LRRC7: variants seen among roughly 807,000 people sequenced by gnomAD.
LRRC7 encodes leucine-rich repeat-containing protein 7.
A neutral mutation model predicts 175.7 loss-of-function variants in LRRC7; 23 were observed. The observed-to-expected ratio is 0.13, with a 90% confidence interval of 0.09 to 0.19. LRRC7 has a LOEUF of 0.19. Ranked by LOEUF, LRRC7 falls within the 10% of genes least tolerant of loss-of-function variation. The probability of loss-of-function intolerance (pLI) is 1.00; values close to 1 mark genes in which losing one functional copy is unlikely to be tolerated. For missense variants in LRRC7, 1,354 were observed against 1,904.7 expected, an observed-to-expected ratio of 0.71 and a Z score of 5.38; for synonymous variants, 685 against 680.9, an observed-to-expected ratio of 1.01 and a Z score of -0.09.
chr1:69,747,392 T>C (rs755630342), intron 2 of LRRC7, among the ~76,000 whole-genome samples: 1 of 152,174 alleles, frequency 6.6e-6, no homozygotes, highest in Non-Finnish European at 1.5e-5. Flanking sequence ...CAGAGGAGAC[T>C]GATGTCATGC....
At chr1:69,774,507 T>G (rs1221936146) in intron 3 of LRRC7, among the ~76,000 whole-genome samples, 1 of 152,180 alleles carries the variant, frequency 6.6e-6, no homozygotes, top group Non-Finnish European at 1.5e-5. Context: ...TATATGAAAT[T>G]GATGCTTAAT....
At chr1:69,979,402 A>C (rs1015819) in intron 8 of LRRC7, among the ~76,000 whole-genome samples, 9,397 of 152,270 alleles carry the variant, frequency 0.062, 283 homozygotes, top group South Asian at 0.11. Context: ...TGCTGCCCGA[A>C]GTTAGAATTT....
intron 3 of LRRC7, among the ~76,000 whole-genome samples, chr1:69,787,501 A>T (rs527510093): frequency 2.6e-5 from 4 of 152,260 alleles, no homozygotes; most frequent in African/African-American, 7.2e-5. Context: ...AGGCATTTTC[A>T]TACATCTTCT....
chr1:69,919,269 A>T lies in LRRC7; in HGVS notation c.648-12238A>T, dbSNP rs567697555. On this transcript the variant is annotated intron_variant, in intron 7 of 26. Transcript: ENST00000651989. Reference sequence around the variant, plus strand: ...CTGTGGTTGTAGTACACAAGCAGCCAAATGTATTTGCTAGATACATTAGCA... The same window carrying T: ...CTGTGGTTGTAGTACACAAGCAGCCTAATGTATTTGCTAGATACATTAGCA... 4.8e-5 allele frequency: 23 copies of T among 481,826 alleles called. No individual in the cohort carries two copies. In the South Asian group the frequency reaches 5.9e-4, roughly 12 times the overall value. 29.8% of individuals were successfully genotyped at this position (481,826 alleles called of 1,614,324 possible).
intron 7 of LRRC7, among the ~76,000 whole-genome samples, chr1:69,895,357 G>A (rs1645950752): frequency 6.6e-6 from 1 of 152,126 alleles, no homozygotes; most frequent in Admixed American, 6.6e-5. Flanking sequence ...TTTTGGAGGT[G>A]ATGTAAACCT....
rs561399911 is a variant in LRRC7, at chr1:69,647,171, C to T, written c.3-31210C>T. Among the ~76,000 whole-genome samples, 64 of 152,190 alleles carry T rather than the reference C, an allele frequency of 4.2e-4. 1 individual carries two copies. Among genetic ancestry groups the T allele is most frequent in the African/African-American group, 1.4e-3 (59 of 41,534 alleles). On this transcript the variant is annotated intron_variant, in intron 1 of 26. Coordinates refer to ENST00000651989, the MANE Select transcript of LRRC7 (RefSeq NM_001370785.2). ...GTCTTCAGTGAGAAATGAGTTTGTACTTAAATGGGCAGAAAATTAGCCAAA... is the reference window on the plus strand; with the variant it reads ...GTCTTCAGTGAGAAATGAGTTTGTATTTAAATGGGCAGAAAATTAGCCAAA...
intron 5 of LRRC7, among the ~76,000 whole-genome samples, chr1:69,832,005 G>A (rs1189659337): frequency 6.6e-6 from 1 of 152,162 alleles, no homozygotes; most frequent in Non-Finnish European, 1.5e-5. Flanking sequence ...TACTAAGAAT[G>A]TATAAAGAAT....
intron 2 of LRRC7, among the ~76,000 whole-genome samples, chr1:69,686,835 C>G (rs1271193698): frequency 6.6e-6 from 1 of 151,526 alleles, no homozygotes; most frequent in Non-Finnish European, 1.5e-5. Flanking sequence ...AAAAGAAAGA[C>G]CAACTATATG....
intron 2 of LRRC7, among the ~76,000 whole-genome samples, chr1:69,680,488 T>C (rs1489623821): frequency 1.3e-5 from 2 of 152,128 alleles, no homozygotes; most frequent in Non-Finnish European, 1.5e-5. Context: ...CAGGGAAGTC[T>C]TTGAAGTGTC....
chr1:70,021,254 T>C (rs897678874), intron 16 of LRRC7, 125 bp downstream of exon 16: 1 of 859,978 alleles, frequency 1.2e-6, no homozygotes, highest in African/African-American at 1.7e-5. Flanking sequence ...GTACCTTTCA[T>C]TACAGCATGC....
At position 69,761,138 on chromosome 1, in the gene LRRC7, T is replaced by C. The variant is rs562674787; in HGVS notation, c.303+745T>C. 2.6e-5 allele frequency among the ~76,000 whole-genome samples: 4 copies of C among 151,976 alleles called. No homozygotes were observed. In the South Asian group the frequency reaches 6.2e-4, roughly 24 times the overall value. ...CCACACAGCAGAGAAGTTCAAAATC[T>C]AAATCAAGGGATCCTAACAGTCACC... On this transcript the variant is annotated intron_variant, in intron 3 of 26. Transcript: ENST00000651989.
intron 9 of LRRC7, 122 bp from the exon 10 acceptor site, chr1:69,986,120 C>A (rs1653917113): frequency 4.6e-6 from 4 of 877,080 alleles, no homozygotes; most frequent in Admixed American, 2.8e-5. Flanking sequence ...CACATTCTTG[C>A]CAACACTTGT....
At chr1:69,684,468 G>C (rs1028010999) in intron 2 of LRRC7, among the ~76,000 whole-genome samples, 1 of 151,256 alleles carries the variant, frequency 6.6e-6, no homozygotes, top group Admixed American at 6.6e-5. Flanking sequence ...GAAGGGGAGG[G>C]AAGGCCAAGC....
chr1:69,674,014 C>T (rs929692404), intron 1 of LRRC7, among the ~76,000 whole-genome samples: 3 of 151,940 alleles, frequency 2.0e-5, no homozygotes, highest in African/African-American at 7.3e-5. Flanking sequence ...ACATCTATAA[C>T]ACATAAATAT....
chr1:69,981,501 G>T (rs935205700), intron 9 of LRRC7, among the ~76,000 whole-genome samples: 2 of 152,108 alleles, frequency 1.3e-5, no homozygotes, highest in African/African-American at 4.8e-5. Flanking sequence ...ATTGTTCACT[G>T]ATTTATTTAA....
chr1:69,893,278 G>A (rs1645888768), intron 7 of LRRC7, among the ~76,000 whole-genome samples: 1 of 152,000 alleles, frequency 6.6e-6, no homozygotes, highest in Admixed American at 6.6e-5. Flanking sequence ...GGTTTCTTTT[G>A]CATTTCCTAA....
chr1:69,613,111 T>C (rs1041045775), intron 1 of LRRC7, among the ~76,000 whole-genome samples: 1 of 152,082 alleles, frequency 6.6e-6, no homozygotes, highest in African/African-American at 2.4e-5. Flanking sequence ...ATAACAAGTA[T>C]AGCATAGACT....
At chr1:69,650,996 G>A (rs537812598) in intron 1 of LRRC7, among the ~76,000 whole-genome samples, 19 of 152,226 alleles carry the variant, frequency 1.2e-4, no homozygotes, top group African/African-American at 3.6e-4. Context: ...CAAAATTATG[G>A]ACTGAAGCAT....
chr1:69,766,890 T>G (rs1300420890), intron 3 of LRRC7, among the ~76,000 whole-genome samples: 1 of 152,178 alleles, frequency 6.6e-6, no homozygotes, highest in African/African-American at 2.4e-5. Context: ...CTTAAAAGTT[T>G]TGTCGAGATG....
Sources: gnomAD v4.1 joint callset for allele counts (sites outside exome capture counted in the v4.1 genomes callset) on GRCh38, gnomAD v4.1.1 for gene constraint, MANE v1.5 for transcripts, NCBI Gene and HGNC (gene_info 2026-07-23, HGNC 2026-07-21) for gene names.